Variants in SH3PXD2B observed in about 807,000 individuals in gnomAD.
The protein encoded by SH3PXD2B is SH3 and PX domains 2B.
SH3PXD2B carries 37 observed loss-of-function variants against 73.1 expected under a neutral mutation model. That is an observed-to-expected ratio of 0.51 (90% CI 0.39 to 0.67). The LOEUF (loss-of-function observed/expected upper bound fraction) is 0.67. Ranked by LOEUF, SH3PXD2B falls within the 30% of genes least tolerant of loss-of-function variation. The pLI is 0.00. For synonymous variants in SH3PXD2B, 457 were observed against 480.5 expected, an observed-to-expected ratio of 0.95 and a Z score of 0.64; for missense variants, 1,053 against 1,197.8, an observed-to-expected ratio of 0.88 and a Z score of 1.78.
Position 172,454,408 on chromosome 5 carries a change from G to C in SH3PXD2B, c.-56C>G, listed in dbSNP as rs62385470. On this transcript the variant is annotated 5_prime_UTR_variant, in exon 1 of 13. Coordinates refer to ENST00000311601, the MANE Select transcript of SH3PXD2B (RefSeq NM_001017995.3). Reference sequence around the variant, plus strand: ...GCGGGTGCGGGTGGCGCGGGGTGCAGGGAGCGCTGGGGGCGCGCCGCCGCG... The same window carrying C: ...GCGGGTGCGGGTGGCGCGGGGTGCACGGAGCGCTGGGGGCGCGCCGCCGCG... The C allele has an allele frequency of 0.1, 118,228 of 1,147,074 alleles. 6,493 individuals are homozygous for C. Among genetic ancestry groups the C allele is most frequent in the Middle Eastern group, 0.12 (474 of 4,062 alleles). The allele number at this position is 1,147,074 out of a possible 1,614,324, so 71.1% of individuals were successfully genotyped here. A position where few individuals can be genotyped will look rare whatever the true frequency, so the allele number is the denominator to read the frequency against.
intron 1 of SH3PXD2B, among the ~76,000 whole-genome samples, chr5:172,430,808 A>C (rs1415006647): frequency 6.6e-6 from 1 of 152,202 alleles, no homozygotes; most frequent in African/African-American, 2.4e-5. Context: ...AAAAGGCAGG[A>C]AAGAAAACCA....
intron 6 of SH3PXD2B, among the ~76,000 whole-genome samples, chr5:172,366,097 C>T (rs1757514197): frequency 6.6e-6 from 1 of 152,214 alleles, no homozygotes; most frequent in Admixed American, 6.5e-5. Context: ...CTCAAAGAGA[C>T]ATGCCCACGT....
intron 3 of SH3PXD2B, among the ~76,000 whole-genome samples, chr5:172,403,631 C>A (rs780380193): frequency 4.6e-5 from 7 of 152,210 alleles, no homozygotes; most frequent in African/African-American, 1.7e-4. Flanking sequence ...GGGAGAGGGT[C>A]GGCTCAAGTT....
downstream of SH3PXD2B, among the ~76,000 whole-genome samples, chr5:172,329,606 C>T (rs767701692): frequency 7.1e-6 from 1 of 141,076 alleles, no homozygotes; most frequent in Non-Finnish European, 1.5e-5. Flanking sequence ...GGCGCGATCT[C>T]GGCTCACTGC....
At position 172,339,290 on chromosome 5, in the gene SH3PXD2B, C is replaced by G. The variant is rs1325396642; in HGVS notation, c.1815G>C (p.Lys605Asn). ...GCCGGAGGTTGGGCTTCTTCACTTC[C>G]TTGGCCAAGACCTTGTGGCCACACT... ...GLECGHKVLA[K>N]EVKKPNLRPI... Residue 605 changes from lysine (K) to asparagine (N), a missense_variant, in exon 13 of 13, where the codon AAG becomes AAC. Lys to Asn is a moderately conservative substitution (Grantham distance 94). Around this residue, in one of 2 missense-constraint regions of SH3PXD2B, gnomAD observed 587 missense variants for 590.7 expected, o/e 0.99. Transcript: ENST00000311601. This position sits in a 1 kb window ranked among gnomAD's most constrained non-coding sequence, Gnocchi z 6.1. 2 of 1,614,222 alleles carry G rather than the reference C, an allele frequency of 1.2e-6. No individual in the cohort carries two copies. Among genetic ancestry groups the G allele is most frequent in the Admixed American group, 3.3e-5 (2 of 60,026 alleles).
chr5:172,394,085 A>C (rs2113398028), intron 4 of SH3PXD2B, among the ~76,000 whole-genome samples: 1 of 152,256 alleles, frequency 6.6e-6, no homozygotes, highest in African/African-American at 2.4e-5. Context: ...CTGGGACTAC[A>C]GGTGTGTCCC....
intron 4 of SH3PXD2B, among the ~76,000 whole-genome samples, chr5:172,383,865 T>G (rs1198306264): frequency 1.3e-5 from 2 of 149,802 alleles, no homozygotes; most frequent in Non-Finnish European, 3.0e-5. Flanking sequence ...TTTTTTTTTT[T>G]GAGACAGAGT....
chr5:172,447,764 T>C (rs1473113460), intron 1 of SH3PXD2B, among the ~76,000 whole-genome samples: 1 of 152,194 alleles, frequency 6.6e-6, no homozygotes, highest in Non-Finnish European at 1.5e-5. Context: ...ATATGACTGC[T>C]CCACCTCCTT....
At position 172,334,838 on chromosome 5, in the gene SH3PXD2B, T is replaced by C; in HGVS notation, c.*3531A>G. 2.0e-6 allele frequency: 2 copies of C among 985,396 alleles called. No homozygotes were observed. The highest frequency in any genetic ancestry group is 2.4e-6 in the Non-Finnish European group (2 of 829,948). 61.0% of individuals were successfully genotyped at this position (985,396 alleles called of 1,614,324 possible). On this transcript the variant is annotated 3_prime_UTR_variant, in exon 13 of 13. Coordinates refer to ENST00000311601, the MANE Select transcript of SH3PXD2B (RefSeq NM_001017995.3). The stretch of plus-strand genomic sequence containing the variant: ...ACTTGCTCTTTAACGTGGCATATGT[T>C]CCCCCATCTTCCACCTGGTAATGAA...
rs1756746109 is a variant in SH3PXD2B, at chr5:172,338,086, C to T, written c.*283G>A. ...TGGTCCCACTGCTGGGTGGCAATGC[C>T]ATTGGCCAGGAGGAGTTCTCTTAAG... is the stretch of plus-strand genomic sequence containing the variant. On this transcript the variant is annotated 3_prime_UTR_variant, in exon 13 of 13. Transcript: ENST00000311601. This position sits in a 1 kb window ranked among gnomAD's most constrained non-coding sequence, Gnocchi z 5.1. 4.5e-6 allele frequency: 6 copies of T among 1,347,836 alleles called. No individual in the cohort carries two copies. Among genetic ancestry groups the T allele is most frequent in the Non-Finnish European group, 5.7e-6 (6 of 1,046,284 alleles). 83.5% of individuals were successfully genotyped at this position (1,347,836 alleles called of 1,614,324 possible).
At chr5:172,382,008 A>C (rs377268245) in intron 5 of SH3PXD2B, 28 bp downstream of exon 5, 103 of 1,572,910 alleles carry the variant, frequency 6.5e-5, no homozygotes, top group Non-Finnish European at 8.9e-5. Context: ...GTGGGGCTCC[A>C]TCTGGGGAAG....
intron 4 of SH3PXD2B, among the ~76,000 whole-genome samples, chr5:172,386,959 G>C (rs892986933): frequency 6.6e-6 from 1 of 152,184 alleles, no homozygotes; most frequent in African/African-American, 2.4e-5. Context: ...TTTTCTCGAA[G>C]ACATATTGTT....
chr5:172,404,749 T>TC (rs2113425887), intron 3 of SH3PXD2B, among the ~76,000 whole-genome samples: 2 of 152,310 alleles, frequency 1.3e-5, no homozygotes, highest in African/African-American at 4.8e-5. Flanking sequence ...AACAACTTCA[T>TC]CATTTTAGTA....
intron 5 of SH3PXD2B, among the ~76,000 whole-genome samples, chr5:172,379,981 C>A (rs1170385596): frequency 6.6e-6 from 1 of 152,184 alleles, no homozygotes; most frequent in Non-Finnish European, 1.5e-5. Flanking sequence ...GCCTCTCTTT[C>A]ATTATCATTT....
chr5:172,426,119 CTT>C (rs1168664513), intron 1 of SH3PXD2B, among the ~76,000 whole-genome samples: 15 of 152,312 alleles, frequency 9.8e-5, no homozygotes, highest in South Asian at 8.3e-4. Flanking sequence ...TCCTTGATCT[CTT>C]GTTTACAATT....
rs142853015 is a variant in SH3PXD2B at position 172,338,063 on chromosome 5, G to T, written c.*306C>A. On this transcript the variant is annotated 3_prime_UTR_variant, in exon 13 of 13. Transcript: ENST00000311601. The surrounding 1 kb of genome is among the most constrained non-coding windows in gnomAD (Gnocchi z 5.1). ...GTCCTGGAGGTCTTGGAGAGTCTTG[G>T]TCCCACTGCTGGGTGGCAATGCCAT... 5.4e-3 allele frequency: 7,124 copies of T among 1,307,660 alleles called. 34 individuals are homozygous for T. The highest frequency in any genetic ancestry group is 6.7e-3 in the Middle Eastern group (22 of 3,278). The allele number at this position is 1,307,660 out of a possible 1,614,324, so 81.0% of individuals were successfully genotyped here. A position where few individuals can be genotyped will look rare whatever the true frequency, so the allele number is the denominator to read the frequency against.
chr5:172,348,650 CTATCCTAT>C lies in SH3PXD2B; in HGVS notation c.1013-1326_1013-1319del, dbSNP rs1476565406. Among the ~76,000 whole-genome samples, 729 of 77,592 alleles carry C rather than the reference CTATCCTAT, an allele frequency of 9.4e-3. 8 individuals are homozygous for C. Among genetic ancestry groups the C allele is most frequent in the Non-Finnish European group, 0.012 (412 of 34,626 alleles). The allele number at this position is 77,592 out of a possible 152,430, so 50.9% of individuals were successfully genotyped here. On this transcript the variant is annotated intron_variant, in intron 10 of 12. Transcript: ENST00000311601. ...TGTATCTATCTATGTATCTATCTAT[CTATCCTAT>C]CTATCTATCTATCTATCTATCTATC... is the stretch of plus-strand genomic sequence containing the variant.
rs1758964901 is a variant in SH3PXD2B, at chr5:172,421,589, G to A, written c.156+827C>T. Among the ~76,000 whole-genome samples, 2 of 152,178 alleles carry A rather than the reference G, an allele frequency of 1.3e-5. No individual in the cohort carries two copies. Among genetic ancestry groups the A allele is most frequent in the Non-Finnish European group, 2.9e-5 (2 of 68,034 alleles). ...AGAGCTGTAGGGGCACAGAATGGGTGGCCCTCGCTGGCCAGGGAACAAAGG... is the reference window on the plus strand; with the variant it reads ...AGAGCTGTAGGGGCACAGAATGGGTAGCCCTCGCTGGCCAGGGAACAAAGG... On this transcript the variant is annotated intron_variant, in intron 2 of 12. Transcript: ENST00000311601. The surrounding 1 kb of genome is among the most constrained non-coding windows in gnomAD (Gnocchi z 4.0).
chr5:172,430,939 T>A (rs1028888261), intron 1 of SH3PXD2B, among the ~76,000 whole-genome samples: 1 of 152,076 alleles, frequency 6.6e-6, no homozygotes, highest in African/African-American at 2.4e-5. Flanking sequence ...CGATCTCGGC[T>A]CAACGCAACC....
Sources: gnomAD v4.1 joint callset for allele counts (sites outside exome capture counted in the v4.1 genomes callset) on GRCh38, gnomAD v4.1.1 for gene constraint, gnomAD v4.1.1 regional missense constraint, Gnocchi (gnomAD v3.1) non-coding constraint, MANE v1.5 for transcripts, NCBI Gene and HGNC (gene_info 2026-07-23, HGNC 2026-07-21) for gene names.